MARCHF1: variants seen among roughly 807,000 people sequenced by gnomAD.
MARCHF1 encodes the protein E3 ubiquitin-protein ligase MARCHF1.
A neutral mutation model predicts 54.2 loss-of-function variants in MARCHF1; 40 were observed. The ratio of observed to expected loss-of-function variants is 0.74; its 90% CI spans 0.57 to 0.96. The LOEUF is 0.96. Ranked by LOEUF, MARCHF1 falls within the 40% of genes least tolerant of loss-of-function variation. The pLI is 0.00. For synonymous variants in MARCHF1, 236 were observed against 236.3 expected (o/e 1.00, Z 0.01); for missense variants, 586 against 656.5 (o/e 0.89, Z 1.17).
rs766916865 is a variant in MARCHF1 at position 163,612,490 on chromosome 4, C to T, written c.791G>A (p.Ser264Asn). 9 of 1,535,118 alleles carry T rather than the reference C, an allele frequency of 5.9e-6. No individual in the cohort carries two copies. The highest frequency in any genetic ancestry group is 7.9e-6 in the Non-Finnish European group (9 of 1,146,402). ...IKRSSRNHEK[S>N]KGRYHHRDPQ... ...ATCTCTGTGGTGATATCTGCCTTTGCTCTTCTCATGATTCCTTGAGGATCT... is the reference window on the plus strand; with the variant it reads ...ATCTCTGTGGTGATATCTGCCTTTGTTCTTCTCATGATTCCTTGAGGATCT... Residue 264 changes from serine to asparagine, a missense_variant, in exon 7 of 10, where the codon AGC (serine) becomes AAC (asparagine). Transcript: ENST00000514618.
chr4:163,801,653 C>T (rs1473036478), intron 4 of MARCHF1, among the ~76,000 whole-genome samples: 1 of 152,058 alleles, frequency 6.6e-6, no homozygotes, highest in Non-Finnish European at 1.5e-5. Flanking sequence ...ATCTTCCCCA[C>T]CCTAATATGA....
At chr4:164,251,191 A>C (rs749541520) in intron 1 of MARCHF1, among the ~76,000 whole-genome samples, 1 of 152,190 alleles carries the variant, frequency 6.6e-6, no homozygotes, top group South Asian at 2.1e-4. Flanking sequence ...TTTCCCTAAC[A>C]AAACCTCTTT....
intron 4 of MARCHF1, among the ~76,000 whole-genome samples, chr4:163,710,088 T>C (rs903872406): frequency 6.6e-6 from 1 of 152,168 alleles, no homozygotes; most frequent in African/African-American, 2.4e-5. Flanking sequence ...TGGGTAAACT[T>C]GCTAATCTCT....
At chr4:164,013,147 T>A (rs947511428) in intron 2 of MARCHF1, among the ~76,000 whole-genome samples, 3 of 151,986 alleles carry the variant, frequency 2.0e-5, no homozygotes, top group African/African-American at 7.2e-5. Context: ...AATTTCAAGA[T>A]AACACAAAGA....
chr4:163,810,136 C>G (rs1402579683), intron 4 of MARCHF1, among the ~76,000 whole-genome samples: 1 of 151,832 alleles, frequency 6.6e-6, no homozygotes, highest in African/African-American at 2.4e-5. Context: ...AATTTGGATT[C>G]TATCCTTGGT....
chr4:163,550,267 G>A (rs1478422015), intron 8 of MARCHF1, among the ~76,000 whole-genome samples: 1 of 136,166 alleles, frequency 7.3e-6, no homozygotes, highest in Non-Finnish European at 1.5e-5. Context: ...CGGCGACAGA[G>A]CGAGACTCCG....
chr4:164,276,969 CAG>C (rs1553997988), intron 1 of MARCHF1, among the ~76,000 whole-genome samples: 1 of 124,858 alleles, frequency 8.0e-6, no homozygotes, highest in East Asian at 2.3e-4. Context: ...GAGAGAGAGA[CAG>C]AGAGAGAGAG....
At chr4:163,691,997 AG>A (rs1744472491) in intron 5 of MARCHF1, among the ~76,000 whole-genome samples, 1 of 152,148 alleles carries the variant, frequency 6.6e-6, no homozygotes, top group Non-Finnish European at 1.5e-5. Context: ...TCCTCAAGAG[AG>A]GGTTAACATG....
At chr4:164,237,380 G>A (rs1392404382) in intron 1 of MARCHF1, among the ~76,000 whole-genome samples, 1 of 151,980 alleles carries the variant, frequency 6.6e-6, no homozygotes, top group African/African-American at 2.4e-5. Flanking sequence ...TCATGCTTTT[G>A]TTTGCTTGGC....
intron 3 of MARCHF1, among the ~76,000 whole-genome samples, chr4:163,879,409 T>G (rs1324645885): frequency 6.6e-6 from 1 of 152,128 alleles, no homozygotes. Context: ...GTGAAAACAA[T>G]CTAAACATCC....
intron 1 of MARCHF1, among the ~76,000 whole-genome samples, chr4:164,128,913 A>T (rs1237034891): frequency 6.6e-6 from 1 of 152,144 alleles, no homozygotes; most frequent in Non-Finnish European, 1.5e-5. Flanking sequence ...ACACCCCAAG[A>T]GGTAGGCTCC....
At chr4:163,658,712 T>G (rs1743237609) in intron 5 of MARCHF1, among the ~76,000 whole-genome samples, 1 of 152,008 alleles carries the variant, frequency 6.6e-6, no homozygotes, top group African/African-American at 2.4e-5. Context: ...ACACTGCATG[T>G]TCTCACTTCT....
At chr4:163,811,747 T>A (rs1748394527) in intron 4 of MARCHF1, among the ~76,000 whole-genome samples, 1 of 152,196 alleles carries the variant, frequency 6.6e-6, no homozygotes, top group Non-Finnish European at 1.5e-5. Context: ...ATTTATTTAA[T>A]GCTTACAGTT....
chr4:164,216,896 A>C (rs545858456), intron 1 of MARCHF1, among the ~76,000 whole-genome samples: 1 of 152,328 alleles, frequency 6.6e-6, no homozygotes, highest in East Asian at 1.9e-4. Flanking sequence ...GAATACTTTA[A>C]CTATTAAATT....
intron 1 of MARCHF1, among the ~76,000 whole-genome samples, chr4:164,278,695 T>C (rs1416661390): frequency 2.0e-5 from 3 of 152,162 alleles, no homozygotes; most frequent in Admixed American, 6.5e-5. Flanking sequence ...AAATTTCCAT[T>C]TTATAGCTGG....
At chr4:164,290,370 A>G (rs898865497) in intron 1 of MARCHF1, among the ~76,000 whole-genome samples, 2 of 152,072 alleles carry the variant, frequency 1.3e-5, no homozygotes, top group African/African-American at 2.4e-5. Flanking sequence ...ACATTTCATT[A>G]TAAGAATGTT....
At chr4:163,781,506 T>C (rs1055406306) in intron 4 of MARCHF1, among the ~76,000 whole-genome samples, 9 of 152,242 alleles carry the variant, frequency 5.9e-5, no homozygotes, top group Admixed American at 4.6e-4. Flanking sequence ...TATTTGGTAT[T>C]ATTCATTGGA....
chr4:164,322,427 T>C (rs1328960745), intron 1 of MARCHF1, among the ~76,000 whole-genome samples: 2 of 151,608 alleles, frequency 1.3e-5, no homozygotes, highest in African/African-American at 2.4e-5. Context: ...TTGAGGAAAG[T>C]AGTGGGAGGT....
In MARCHF1 at chr4:164,213,203, TTTATTATTATTATTATTATTATTA is replaced by T. The variant is rs200182175; in HGVS notation, c.-322-101565_-322-101542del. On this transcript the variant is annotated intron_variant, in intron 1 of 9. Transcript: ENST00000514618. ...AATTACTTTTCTCTGGGCTTTTACT[TTTATTATTATTATTATTATTATTA>T]TTATTATTATTATTATTATTATTTG... 3.5e-5 allele frequency among the ~76,000 whole-genome samples: 5 copies of T among 141,794 alleles called. No homozygotes were observed. In the South Asian group the frequency reaches 6.9e-4, roughly 20 times the overall value. 93.0% of individuals were successfully genotyped at this position (141,794 alleles called of 152,430 possible). A position where few individuals can be genotyped will look rare whatever the true frequency, so the allele number is the denominator to read the frequency against.
Sources: allele counts gnomAD v4.1 joint callset (sites outside exome capture counted in the v4.1 genomes callset), GRCh38; gene constraint gnomAD v4.1.1; transcripts MANE v1.5; gene names NCBI Gene and HGNC (gene_info 2026-07-23, HGNC 2026-07-21).